TNFRSF10D: variants seen among roughly 807,000 people sequenced by gnomAD.
The protein encoded by TNFRSF10D is tumor necrosis factor receptor superfamily member 10D.
TNFRSF10D carries 28 observed loss-of-function variants against 42.1 expected under a neutral mutation model. The observed-to-expected ratio is 0.66, with a 90% confidence interval of 0.49 to 0.91. TNFRSF10D has a LOEUF of 0.91. TNFRSF10D is among the 40% of genes least tolerant of loss of function. The pLI is 0.00. For synonymous variants in TNFRSF10D, 186 were observed against 189.4 expected (o/e 0.98, Z 0.15); for missense variants, 503 against 486.1 (o/e 1.03, Z -0.33).
chr8:23,141,424 G>C (rs181951515), intron 7 of TNFRSF10D, among the ~76,000 whole-genome samples: 47 of 151,754 alleles, frequency 3.1e-4, no homozygotes, highest in African/African-American at 1.1e-3. Flanking sequence ...AGAATCACTT[G>C]AACCCGGGAG....
At chr8:23,144,916 C>G in intron 6 of TNFRSF10D, 142 bp downstream of exon 6, 1 of 1,294,428 alleles carries the variant, frequency 7.7e-7, no homozygotes, top group Non-Finnish European at 1.1e-6. Context: ...GTGTCCCCCA[C>G]AGTCAGCCCA....
chr8:23,158,722 T>C (rs1487717006), intron 1 of TNFRSF10D, among the ~76,000 whole-genome samples: 5 of 152,232 alleles, frequency 3.3e-5, no homozygotes, highest in Admixed American at 3.3e-4. Flanking sequence ...CCTATTTCCA[T>C]GATCTATGTG....
chr8:23,160,300 C>T (rs374652185), intron 1 of TNFRSF10D, among the ~76,000 whole-genome samples: 3 of 152,158 alleles, frequency 2.0e-5, no homozygotes, highest in African/African-American at 7.2e-5. Context: ...GCAGTGGCGG[C>T]CTCAGCTTAC....
Position 23,139,952 on chromosome 8 carries a change from C to T in TNFRSF10D, c.955-1692G>A, listed in dbSNP as rs182841923. Among the ~76,000 whole-genome samples, 19 of 151,914 alleles carry T rather than the reference C, an allele frequency of 1.3e-4. No homozygotes were observed. The South Asian group carries it at 2.3e-3, about 18-fold the overall frequency. On this transcript the variant is annotated intron_variant, in intron 7 of 8. Coordinates refer to ENST00000312584, the MANE Select transcript of TNFRSF10D (RefSeq NM_003840.5). ...CGATGTCAAGAGTTCAAGACCAGCA[C>T]GACCAACATGGTGAAACCCCGTCTC... is the stretch of plus-strand genomic sequence containing the variant.
chr8:23,146,053 G>GGGTC, intron 4 of TNFRSF10D, 132 bp from the exon 5 acceptor site: 1 of 1,239,224 alleles, frequency 8.1e-7, no homozygotes, highest in South Asian at 1.3e-5. Flanking sequence ...TGTCAGCAGT[G>GGGTC]GGTCCCCCTG....
chr8:23,146,885 A>C, intron 4 of TNFRSF10D, 76 bp downstream of exon 4: 1 of 1,247,182 alleles, frequency 8.0e-7, no homozygotes, highest in Non-Finnish European at 1.2e-6. Context: ...GGGTCAGCGG[A>C]GAGATAGAGG....
chr8:23,163,765 G>A lies in TNFRSF10D; in HGVS notation c.150+21C>T, dbSNP rs754936660. On this transcript the variant is annotated intron_variant, in intron 1 of 8. Transcript: ENST00000312584. Reference sequence around the variant, plus strand: ...CGCCAGGTGCGCTCTTCCCCAGCCAGGGACCGCGGCGGAGACTCACCGGCA... The same window carrying A: ...CGCCAGGTGCGCTCTTCCCCAGCCAAGGACCGCGGCGGAGACTCACCGGCA... 2.5e-6 allele frequency: 4 copies of A among 1,606,370 alleles called. No homozygotes were observed. The South Asian group carries it at 3.4e-5, about 13-fold the overall frequency.
chr8:23,144,283 GC>G (rs1333036944), intron 7 of TNFRSF10D, among the ~76,000 whole-genome samples, 166 bp downstream of exon 7: 3 of 152,150 alleles, frequency 2.0e-5, no homozygotes, highest in African/African-American at 7.2e-5. Flanking sequence ...CTGCAGACTG[GC>G]ACGGTCACCA....
chr8:23,141,058 A>G (rs1464034004), intron 7 of TNFRSF10D, among the ~76,000 whole-genome samples: 1 of 152,198 alleles, frequency 6.6e-6, no homozygotes, highest in Non-Finnish European at 1.5e-5. Context: ...AAGACCATGA[A>G]CTATAAGAAT....
intron 7 of TNFRSF10D, among the ~76,000 whole-genome samples, chr8:23,143,117 C>T (rs1800056734): frequency 6.6e-6 from 1 of 152,180 alleles, no homozygotes; most frequent in Non-Finnish European, 1.5e-5. Flanking sequence ...GCTGGGACTA[C>T]AGGCACCCGC....
At chr8:23,146,875 G>C (rs1304012021) in intron 4 of TNFRSF10D, 86 bp downstream of exon 4, 7 of 1,170,064 alleles carry the variant, frequency 6.0e-6, no homozygotes, top group African/African-American at 1.5e-5. Context: ...AGGATCCATG[G>C]GGTCAGCGGA....
rs186814361 is a variant in TNFRSF10D at position 23,135,782 on chromosome 8, G to A, written c.*2088C>T. The A allele has an allele frequency of 3.4e-3, 1,444 of 420,232 alleles. No homozygotes were observed. The highest frequency in any genetic ancestry group is 0.016 in the African/African-American group (781 of 48,714). The allele number at this position is 420,232 out of a possible 1,614,324, so 26.0% of individuals were successfully genotyped here. On this transcript the variant is annotated 3_prime_UTR_variant, in exon 9 of 9. Coordinates refer to ENST00000312584, the MANE Select transcript of TNFRSF10D (RefSeq NM_003840.5). ...ATAAGCTTAAACACTGATAAGGCTG[G>A]TAGTCTAGATGCATCTTCAAGGAAG...
intron 8 of TNFRSF10D, 52 bp from the exon 9 acceptor site, chr8:23,138,055 C>T (rs2128835038): frequency 6.2e-7 from 1 of 1,609,998 alleles, no homozygotes; most frequent in African/African-American, 1.3e-5. Context: ...ACGATCAGCA[C>T]AGGATCGACA....
intron 7 of TNFRSF10D, among the ~76,000 whole-genome samples, chr8:23,141,334 A>T (rs923629588): frequency 6.6e-6 from 1 of 151,844 alleles, no homozygotes; most frequent in South Asian, 2.1e-4. Flanking sequence ...ACAAAACCCC[A>T]TCTCTACTAA....
At chr8:23,138,427 G>A (rs1814380626) in intron 7 of TNFRSF10D, among the ~76,000 whole-genome samples, 167 bp from the exon 8 acceptor site, 1 of 152,162 alleles carries the variant, frequency 6.6e-6, no homozygotes, top group Non-Finnish European at 1.5e-5. Context: ...CTGTGTGCTG[G>A]TGGCTCATTG....
chr8:23,148,993 A>T (rs761091095), intron 2 of TNFRSF10D, among the ~76,000 whole-genome samples: 1 of 151,602 alleles, frequency 6.6e-6, no homozygotes. Context: ...GATCGAGACC[A>T]TCCTGGCTAA....
At chr8:23,162,655 A>C (rs951452916) in intron 1 of TNFRSF10D, among the ~76,000 whole-genome samples, 1 of 152,114 alleles carries the variant, frequency 6.6e-6, no homozygotes, top group Admixed American at 6.6e-5. Context: ...TCCAAACCCA[A>C]CTCACAACGA....
Position 23,145,530 on chromosome 8 carries a change from C to T in TNFRSF10D, c.736+138G>A, listed in dbSNP as rs564063902. The T allele has an allele frequency of 1.1e-4, 143 of 1,292,920 alleles. No homozygotes were observed. In the South Asian group the frequency reaches 1.7e-3, roughly 15 times the overall value. The allele number at this position is 1,292,920 out of a possible 1,614,324, so 80.1% of individuals were successfully genotyped here. A position where few individuals can be genotyped will look rare whatever the true frequency, so the allele number is the denominator to read the frequency against. On this transcript the variant is annotated intron_variant, in intron 5 of 8. Transcript: ENST00000312584. Reference sequence around the variant, plus strand: ...GGATACACAGGACGTGGGGATGGGGCGATCACAAGAAGGAAGACCAAGCCA... The same window carrying T: ...GGATACACAGGACGTGGGGATGGGGTGATCACAAGAAGGAAGACCAAGCCA...
At position 23,142,065 on chromosome 8, in the gene TNFRSF10D, T is replaced by C. The variant is rs370961535; in HGVS notation, c.954+2385A>G. On this transcript the variant is annotated intron_variant, in intron 7 of 8. Coordinates refer to ENST00000312584, the MANE Select transcript of TNFRSF10D (RefSeq NM_003840.5). ...GGTGGATGGATCACGAGGTCAGGAATTCAAGACCAGCCTGCCCAAGACGGT... is the reference window on the plus strand; with the variant it reads ...GGTGGATGGATCACGAGGTCAGGAACTCAAGACCAGCCTGCCCAAGACGGT... Among the ~76,000 whole-genome samples the C allele has an allele frequency of 1.4e-4, 22 of 152,246 alleles. No homozygotes were observed. The South Asian group carries it at 3.7e-3, about 26-fold the overall frequency.
Sources: allele counts gnomAD v4.1 joint callset (sites outside exome capture counted in the v4.1 genomes callset), GRCh38; gene constraint gnomAD v4.1.1; transcripts MANE v1.5; gene names NCBI Gene and HGNC (gene_info 2026-07-23, HGNC 2026-07-21).